CSNK2B: variants seen among roughly 807,000 people sequenced by gnomAD.
CSNK2B encodes the protein casein kinase 2 beta.
In CSNK2B, 2 loss-of-function variants were observed where a neutral mutation model predicts 28.8. The observed-to-expected ratio is 0.07, with a 90% CI of 0.03 to 0.22. The LOEUF is 0.22. CSNK2B is among the 10% of genes least tolerant of loss of function. CSNK2B has a pLI of 1.00. For missense variants in CSNK2B, 107 were observed against 277.9 expected, an observed-to-expected ratio of 0.39 and a Z score of 4.37; for synonymous variants, 89 against 96.1, an observed-to-expected ratio of 0.93 and a Z score of 0.43.
In CSNK2B at chr6:31,666,574, G is replaced by C. The variant is rs558055623; in HGVS notation, c.-11-247G>C. 220 of 561,036 alleles carry C rather than the reference G, an allele frequency of 3.9e-4. 1 individual carries two copies. Among genetic ancestry groups the C allele is most frequent in the Non-Finnish European group, 5.6e-4 (176 of 316,490 alleles). The allele number at this position is 561,036 out of a possible 1,614,324, so 34.8% of individuals were successfully genotyped here. ...TCGGGAGCTCCAGGGATGTGGGTCG[G>C]GCTGGTGGGTCAAAGTATCTGTTGG... is the stretch of plus-strand genomic sequence containing the variant. On this transcript the variant is annotated intron_variant, in intron 1 of 6. Coordinates refer to ENST00000375882, the MANE Select transcript of CSNK2B (RefSeq NM_001320.7).
At chr6:31,666,482 G>A in intron 1 of CSNK2B, 1 of 381,126 alleles carries the variant, frequency 2.6e-6, no homozygotes, top group Non-Finnish European at 4.8e-6. Flanking sequence ...GCAGAGACTT[G>A]TATTGGTAGG....
intron 2 of CSNK2B, among the ~76,000 whole-genome samples, chr6:31,667,455 C>T (rs1801847912): frequency 1.3e-5 from 2 of 152,184 alleles, no homozygotes; most frequent in Non-Finnish European, 2.9e-5. Context: ...ACTAAAGTGG[C>T]ACTGCTAGTA....
At chr6:31,666,339 G>C (rs1468817341) in intron 1 of CSNK2B, 131 bp downstream of exon 1, 1 of 277,414 alleles carries the variant, frequency 3.6e-6, no homozygotes, top group African/African-American at 2.3e-5. Context: ...GTGGCCTGAG[G>C]AGCGGAGGGG....
Position 31,669,452 on chromosome 6 carries a change from C to T in CSNK2B, c.501C>T (p.Leu167=), listed in dbSNP as rs1169432962. The T allele has an allele frequency of 6.2e-7, 1 of 1,613,750 alleles. No homozygotes were observed. The highest frequency in any genetic ancestry group is 8.5e-7 in the Non-Finnish European group (1 of 1,180,030). Residue 167 remains leucine, a synonymous_variant, in exon 6 of 7, where the codon CTC becomes CTT. Transcript: ENST00000375882. This position sits in a 1 kb window ranked among gnomAD's most constrained non-coding sequence, Gnocchi z 4.8. ...AYFGTGFPHM[L]FMVHPEYRPK... ...TCGGCACTGGTTTCCCTCACATGCT[C>T]TTCATGGTGCATCCCGAGTACCGGC...
chr6:31,669,975 GC>G lies in CSNK2B; in HGVS notation c.*51del. The G allele has an allele frequency of 6.6e-7, 1 of 1,512,456 alleles. No homozygotes were observed. Among genetic ancestry groups the G allele is most frequent in the Non-Finnish European group, 9.0e-7 (1 of 1,105,278 alleles). 93.7% of individuals were successfully genotyped at this position (1,512,456 alleles called of 1,614,324 possible). A position where few individuals can be genotyped will look rare whatever the true frequency, so the allele number is the denominator to read the frequency against. ...GTCTTTGACTTTTCCTTTCTTTTTT[GC>G]CACCCTTTCAGGAACCCTGTATGGT... is the stretch of plus-strand genomic sequence containing the variant. On this transcript the variant is annotated 3_prime_UTR_variant, in exon 7 of 7. Coordinates refer to ENST00000375882, the MANE Select transcript of CSNK2B (RefSeq NM_001320.7). The surrounding 1 kb of genome is among the most constrained non-coding windows in gnomAD (Gnocchi z 4.8).
At chr6:31,668,350 G>A (rs1272611768) in intron 3 of CSNK2B, 189 bp from the exon 4 acceptor site, 3 of 608,216 alleles carry the variant, frequency 4.9e-6, no homozygotes, top group Non-Finnish European at 5.8e-6. Context: ...TGAAGGGAAG[G>A]CAGAGCTGTC....
Position 31,669,697 on chromosome 6 carries a change from C to T in CSNK2B, c.558-139C>T, listed in dbSNP as rs140257968. On this transcript the variant is annotated intron_variant, in intron 6 of 6. Transcript: ENST00000375882. This position sits in a 1 kb window ranked among gnomAD's most constrained non-coding sequence, Gnocchi z 4.8. ...TACCTTATTGTAGAATGTTCTTGAG[C>T]TGAGAAGTTGGGAACCACGAGGCTT... 1,252 of 1,013,310 alleles carry T rather than the reference C, an allele frequency of 1.2e-3. 21 individuals are homozygous for T. The East Asian group carries it at 0.029, about 23-fold the overall frequency. The allele number at this position is 1,013,310 out of a possible 1,614,324, so 62.8% of individuals were successfully genotyped here.
chr6:31,666,162 A>G lies in CSNK2B; in HGVS notation c.-58A>G, dbSNP rs1801671495. ...GTAGCGGTCGCCGCCGTTCCCTGGA[A>G]GTAGCAACTTCCCTACCCCACCCCA... On this transcript the variant is annotated 5_prime_UTR_variant, in exon 1 of 7. Transcript: ENST00000375882. 2 of 990,360 alleles carry G rather than the reference A, an allele frequency of 2.0e-6. No individual in the cohort carries two copies. Among genetic ancestry groups the G allele is most frequent in the Non-Finnish European group, 1.2e-6 (1 of 832,312 alleles). The allele number at this position is 990,360 out of a possible 1,614,324, so 61.3% of individuals were successfully genotyped here.
intron 2 of CSNK2B, 136 bp downstream of exon 2, chr6:31,667,039 A>T (rs1171634201): frequency 2.6e-6 from 2 of 779,652 alleles, no homozygotes; most frequent in Non-Finnish European, 4.4e-6. Flanking sequence ...CCCCCCTATA[A>T]ACCCCGACGA....
chr6:31,669,697 C>A lies in CSNK2B; in HGVS notation c.558-139C>A. 2.0e-6 allele frequency: 2 copies of A among 1,013,310 alleles called. No individual in the cohort carries two copies. The highest frequency in any genetic ancestry group is 2.9e-6 in the Non-Finnish European group (2 of 697,694). 62.8% of individuals were successfully genotyped at this position (1,013,310 alleles called of 1,614,324 possible). On this transcript the variant is annotated intron_variant, in intron 6 of 6. Transcript: ENST00000375882. This position sits in a 1 kb window ranked among gnomAD's most constrained non-coding sequence, Gnocchi z 4.8. ...TACCTTATTGTAGAATGTTCTTGAG[C>A]TGAGAAGTTGGGAACCACGAGGCTT... is the stretch of plus-strand genomic sequence containing the variant.
intron 3 of CSNK2B, chr6:31,668,287 TG>T: frequency 1.7e-6 from 1 of 601,014 alleles, no homozygotes; most frequent in Non-Finnish European, 2.9e-6. Context: ...GTTGCAGTTA[TG>T]TATTGAGGAG....
chr6:31,667,939 A>G lies in CSNK2B; in HGVS notation c.144A>G (p.Gln48=). ...GLNEQVPHYR[Q]ALDMILDLEP... is the part of the protein sequence containing the mutation. ...ATGAGCAGGTCCCTCACTATCGACA[A>G]GCTCTAGACATGATCTTGGACCTGG... The change falls in exon 3 of 7, where the codon CAA becomes CAG. Residue 48 remains glutamine, a synonymous_variant. Transcript: ENST00000375882. The G allele has an allele frequency of 6.3e-7, 1 of 1,581,420 alleles. No homozygotes were observed.
chr6:31,666,556 C>T (rs1032562621), intron 1 of CSNK2B: 25 of 537,482 alleles, frequency 4.7e-5, no homozygotes, highest in Non-Finnish European at 5.9e-5. Flanking sequence ...CCTTCGGGAG[C>T]TCCAGGGATG....
At position 31,666,094 on chromosome 6, in the gene CSNK2B, C is replaced by G. The variant is rs1321709225; in HGVS notation, c.-126C>G. The G allele has an allele frequency of 5.0e-6, 5 of 994,368 alleles. No individual in the cohort carries two copies. The highest frequency in any genetic ancestry group is 6.0e-6 in the Non-Finnish European group (5 of 833,792). The allele number at this position is 994,368 out of a possible 1,614,324, so 61.6% of individuals were successfully genotyped here. On this transcript the variant is annotated 5_prime_UTR_variant, in exon 1 of 7. Transcript: ENST00000375882. ...CCACCCTCCCTAATTTCCACTCCCC[C>G]CACCCCACTTCGCCTGCCGCGGTCG...
chr6:31,666,690 A>C lies in CSNK2B; in HGVS notation c.-11-131A>C, dbSNP rs1801736814. The C allele has an allele frequency of 6.2e-6, 4 of 646,898 alleles. No individual in the cohort carries two copies. In the Admixed American group the frequency reaches 8.6e-5, roughly 14 times the overall value. 40.1% of individuals were successfully genotyped at this position (646,898 alleles called of 1,614,324 possible). A position where few individuals can be genotyped will look rare whatever the true frequency, so the allele number is the denominator to read the frequency against. ...TAGAGGAGCTGGAGAGGAGTGCTTC[A>C]GAGTTTGGGTTGCTTTAAGAAAGGG... On this transcript the variant is annotated intron_variant, in intron 1 of 6. Transcript: ENST00000375882.
rs1802013369 is a variant in CSNK2B at position 31,669,248 on chromosome 6, G to A, written c.368-71G>A. ...AGGAGTTGGGGCTCAACACATTGGAGCCTGAGTCCTGAGGGGAGGTTAGGT... is the reference window on the plus strand; with the variant it reads ...AGGAGTTGGGGCTCAACACATTGGAACCTGAGTCCTGAGGGGAGGTTAGGT... On this transcript the variant is annotated intron_variant, in intron 5 of 6. Coordinates refer to ENST00000375882, the MANE Select transcript of CSNK2B (RefSeq NM_001320.7). This position sits in a 1 kb window ranked among gnomAD's most constrained non-coding sequence, Gnocchi z 4.8. The A allele has an allele frequency of 6.2e-7, 1 of 1,601,388 alleles. No homozygotes were observed. The highest frequency in any genetic ancestry group is 2.2e-5 in the East Asian group (1 of 44,598).
chr6:31,669,261 G>A lies in CSNK2B; in HGVS notation c.368-58G>A. On this transcript the variant is annotated intron_variant, in intron 5 of 6. Coordinates refer to ENST00000375882, the MANE Select transcript of CSNK2B (RefSeq NM_001320.7). The surrounding 1 kb of genome is among the most constrained non-coding windows in gnomAD (Gnocchi z 4.8). Reference sequence around the variant, plus strand: ...CAACACATTGGAGCCTGAGTCCTGAGGGGAGGTTAGGTAGGAATAGGGGGA... The same window carrying A: ...CAACACATTGGAGCCTGAGTCCTGAAGGGAGGTTAGGTAGGAATAGGGGGA... 3 of 1,602,026 alleles carry A rather than the reference G, an allele frequency of 1.9e-6. No homozygotes were observed. The highest frequency in any genetic ancestry group is 2.6e-6 in the Non-Finnish European group (3 of 1,170,074).
In CSNK2B at chr6:31,666,141, C is replaced by T. The variant is rs943318306; in HGVS notation, c.-79C>T. The T allele has an allele frequency of 2.0e-6, 2 of 992,028 alleles. No individual in the cohort carries two copies. The highest frequency in any genetic ancestry group is 2.4e-6 in the Non-Finnish European group (2 of 833,158). The allele number at this position is 992,028 out of a possible 1,614,324, so 61.5% of individuals were successfully genotyped here. A position where few individuals can be genotyped will look rare whatever the true frequency, so the allele number is the denominator to read the frequency against. The stretch of plus-strand genomic sequence containing the variant: ...GTCGGGTCCGCGGCCTGCGCTGTAG[C>T]GGTCGCCGCCGTTCCCTGGAAGTAG... On this transcript the variant is annotated 5_prime_UTR_variant, in exon 1 of 7. Transcript: ENST00000375882.
Position 31,669,801 on chromosome 6 carries a change from A to G in CSNK2B, c.558-35A>G. ...GACTGGCAGGGCCTGGATGGGGCTC[A>G]TGCTGCTGCCTCTCTGACCTCTGCC... On this transcript the variant is annotated intron_variant, in intron 6 of 6. Coordinates refer to ENST00000375882, the MANE Select transcript of CSNK2B (RefSeq NM_001320.7). This position sits in a 1 kb window ranked among gnomAD's most constrained non-coding sequence, Gnocchi z 4.8. 6.4e-7 allele frequency: 1 copy of G among 1,572,868 alleles called. No homozygotes were observed. Among genetic ancestry groups the G allele is most frequent in the Non-Finnish European group, 8.7e-7 (1 of 1,152,020 alleles).
Sources: allele counts gnomAD v4.1 joint callset (sites outside exome capture counted in the v4.1 genomes callset), GRCh38; gene constraint gnomAD v4.1.1; non-coding constraint Gnocchi (gnomAD v3.1); transcripts MANE v1.5; gene names NCBI Gene and HGNC (gene_info 2026-07-23, HGNC 2026-07-21).